SOX5: variants seen among roughly 807,000 people sequenced by gnomAD.
SOX5 encodes the protein SRY-box transcription factor 5.
In SOX5, 9 loss-of-function variants were observed where a neutral mutation model predicts 92.0. The observed-to-expected ratio is 0.10, with a 90% CI of 0.06 to 0.17. The LOEUF is 0.17. Ranked by LOEUF, SOX5 falls within the 10% of genes least tolerant of loss-of-function variation. The probability of loss-of-function intolerance (pLI) is 1.00; values close to 1 mark genes in which losing one functional copy is unlikely to be tolerated. For synonymous variants in SOX5, 344 were observed against 336.3 expected (o/e 1.02, Z -0.25); for missense variants, 642 against 944.5 (o/e 0.68, Z 4.20).
At chr12:24,117,087 T>C (rs1279760040) in intron 4 of SOX5, among the ~76,000 whole-genome samples, 1 of 150,600 alleles carries the variant, frequency 6.6e-6, no homozygotes, top group Non-Finnish European at 1.5e-5. Context: ...ATATCCAAAA[T>C]ATAGAGGGAA....
intron 4 of SOX5, among the ~76,000 whole-genome samples, chr12:24,158,153 G>T (rs1055438806): frequency 1.3e-5 from 2 of 151,988 alleles, no homozygotes; most frequent in African/African-American, 4.8e-5. Flanking sequence ...AAATTAATTA[G>T]CATGTAGGTC....
intron 1 of SOX5, among the ~76,000 whole-genome samples, chr12:24,399,853 A>G (rs1961084924): frequency 6.6e-6 from 1 of 152,234 alleles, no homozygotes; most frequent in African/African-American, 2.4e-5. Flanking sequence ...TATATGTAAA[A>G]CATATTTGTT....
chr12:23,994,645 GT>G (rs1950870204), intron 4 of SOX5, among the ~76,000 whole-genome samples: 1 of 152,058 alleles, frequency 6.6e-6, no homozygotes, highest in Admixed American at 6.6e-5. Context: ...CATGAGCATG[GT>G]GGGGGCCAGA....
chr12:24,458,642 G>C (rs986255517), intron 1 of SOX5, among the ~76,000 whole-genome samples: 6 of 152,134 alleles, frequency 3.9e-5, no homozygotes, highest in Admixed American at 1.3e-4. Context: ...ACTAAACAAA[G>C]TGTGATCTGG....
At chr12:24,483,469 T>C (rs1277680985) in intron 1 of SOX5, among the ~76,000 whole-genome samples, 2 of 152,224 alleles carry the variant, frequency 1.3e-5, no homozygotes, top group Non-Finnish European at 2.9e-5. Flanking sequence ...GAGATGCTAA[T>C]TATGAGGGCA....
chr12:24,164,086 C>T (rs1449787002), intron 4 of SOX5, among the ~76,000 whole-genome samples: 4 of 152,102 alleles, frequency 2.6e-5, no homozygotes, highest in Admixed American at 2.6e-4. Context: ...TACTTATGGT[C>T]TCAGAGAATG....
intron 2 of SOX5, among the ~76,000 whole-genome samples, chr12:23,858,225 C>T (rs1057158160): frequency 6.6e-6 from 1 of 152,004 alleles, no homozygotes; most frequent in African/African-American, 2.4e-5. Context: ...AGCCTCTGCA[C>T]AGCAAAAGAA....
intron 9 of SOX5, among the ~76,000 whole-genome samples, chr12:23,594,694 T>A (rs1372572585): frequency 6.6e-6 from 1 of 152,142 alleles, no homozygotes; most frequent in Non-Finnish European, 1.5e-5. Flanking sequence ...TAATTCAAAG[T>A]CCTGAACATG....
chr12:23,800,769 T>C (rs1594574916), intron 3 of SOX5, among the ~76,000 whole-genome samples: 2 of 152,230 alleles, frequency 1.3e-5, no homozygotes, highest in Admixed American at 1.3e-4. Context: ...AGAAGGTATA[T>C]CATGAAATAA....
intron 3 of SOX5, among the ~76,000 whole-genome samples, chr12:23,833,768 A>G (rs758719332): frequency 3.9e-5 from 6 of 152,032 alleles, no homozygotes; most frequent in Non-Finnish European, 2.9e-5. Context: ...TATACATGTC[A>G]GAAGATTGGA....
intron 2 of SOX5, among the ~76,000 whole-genome samples, chr12:24,305,535 T>C (rs539110748): frequency 7.3e-4 from 111 of 152,336 alleles, no homozygotes; most frequent in African/African-American, 2.5e-3. Context: ...GTTTAATCTT[T>C]GCGAGATTTC....
At chr12:24,054,704 A>G (rs1010538668) in intron 4 of SOX5, among the ~76,000 whole-genome samples, 4 of 152,202 alleles carry the variant, frequency 2.6e-5, no homozygotes, top group South Asian at 2.1e-4. Flanking sequence ...TCTTCAAAAC[A>G]TAAGTGGAAA....
chr12:23,767,866 TG>T (rs2094791252), intron 3 of SOX5, among the ~76,000 whole-genome samples: 1 of 152,124 alleles, frequency 6.6e-6, no homozygotes, highest in East Asian at 1.9e-4. Flanking sequence ...GATACAGATC[TG>T]TAGATTTATA....
intron 2 of SOX5, among the ~76,000 whole-genome samples, chr12:23,878,948 G>C (rs928046905): frequency 6.6e-6 from 1 of 152,098 alleles, no homozygotes; most frequent in African/African-American, 2.4e-5. Flanking sequence ...TTAGCTCTGA[G>C]TTAGGGGGTA....
At chr12:24,032,019 G>A (rs1000324339) in intron 4 of SOX5, among the ~76,000 whole-genome samples, 1 of 151,876 alleles carries the variant, frequency 6.6e-6, no homozygotes, top group African/African-American at 2.4e-5. Flanking sequence ...TTAAAATGCT[G>A]TTACTATTAG....
At chr12:23,576,471 T>C (rs773573796) in intron 9 of SOX5, among the ~76,000 whole-genome samples, 2 of 152,246 alleles carry the variant, frequency 1.3e-5, no homozygotes, top group Admixed American at 6.5e-5. Context: ...CTTATTTATA[T>C]GTCATACTGT....
chr12:24,200,421 T>C (rs1957403994), intron 4 of SOX5, among the ~76,000 whole-genome samples: 1 of 152,150 alleles, frequency 6.6e-6, no homozygotes, highest in African/African-American at 2.4e-5. Flanking sequence ...GAAAGTCAAA[T>C]ATACATATAC....
At chr12:23,604,202 G>A in intron 9 of SOX5, 185 bp downstream of exon 9, 1 of 577,252 alleles carries the variant, frequency 1.7e-6, no homozygotes, top group South Asian at 2.2e-5. Context: ...TTGAATAAAT[G>A]AATAAATGAA....
In SOX5 at chr12:23,640,601, A is replaced by G. The variant is rs567808807; in HGVS notation, c.1017+211T>C. 1.4e-4 allele frequency among the ~76,000 whole-genome samples: 21 copies of G among 152,340 alleles called. No individual in the cohort carries two copies. In the South Asian group the frequency reaches 4.1e-3, roughly 30 times the overall value. On this transcript the variant is annotated intron_variant, in intron 8 of 14. Coordinates refer to ENST00000451604, the MANE Select transcript of SOX5 (RefSeq NM_006940.6). ...TCTTAATAATACCGGCAAGAAAAGA[A>G]ATACGATAAGCTATGTTTAGTGCAG...
Sources: gnomAD v4.1 joint callset for allele counts (sites outside exome capture counted in the v4.1 genomes callset) on GRCh38, gnomAD v4.1.1 for gene constraint, MANE v1.5 for transcripts, NCBI Gene and HGNC (gene_info 2026-07-23, HGNC 2026-07-21) for gene names.